Variants in AFF3 observed in about 807,000 individuals in gnomAD.
AFF3 encodes the protein AF4/FMR2 family member 3.
AFF3 carries 32 observed loss-of-function variants against 129.7 expected under a neutral mutation model. That is an observed-to-expected ratio of 0.25 (90% CI 0.19 to 0.33). The LOEUF (loss-of-function observed/expected upper bound fraction) is 0.33. Ranked by LOEUF, AFF3 falls within the 10% of genes least tolerant of loss-of-function variation. The probability of loss-of-function intolerance (pLI) is 1.00; values close to 1 mark genes in which losing one functional copy is unlikely to be tolerated. For synonymous variants in AFF3, 644 were observed against 635.4 expected (o/e 1.01, Z -0.20); for missense variants, 1,373 against 1,592.0 (o/e 0.86, Z 2.34).
intron 2 of AFF3, among the ~76,000 whole-genome samples, chr2:100,113,294 C>T (rs1447930465): frequency 1.3e-5 from 2 of 152,224 alleles, no homozygotes; most frequent in Non-Finnish European, 2.9e-5. Context: ...AAAAAGCCCA[C>T]TGTCTAGAAG....
At chr2:99,905,627 G>T (rs1694662304) in intron 7 of AFF3, among the ~76,000 whole-genome samples, 1 of 152,076 alleles carries the variant, frequency 6.6e-6, no homozygotes, top group Non-Finnish European at 1.5e-5. Context: ...TAAGGCTTTT[G>T]TTTGAATTTT....
At chr2:99,746,123 A>C (rs1681134885) in intron 9 of AFF3, among the ~76,000 whole-genome samples, 1 of 152,142 alleles carries the variant, frequency 6.6e-6, no homozygotes, top group Non-Finnish European at 1.5e-5. Context: ...AAGCTATTAA[A>C]ATAAAAAAAA....
intron 21 of AFF3, among the ~76,000 whole-genome samples, chr2:99,560,020 G>A (rs1413694303): frequency 6.6e-6 from 1 of 152,256 alleles, no homozygotes; most frequent in Non-Finnish European, 1.5e-5. Context: ...CAGCACTCTG[G>A]GAGGCTGAGG....
chr2:100,043,421 A>T (rs772734707), intron 4 of AFF3, among the ~76,000 whole-genome samples: 18 of 152,232 alleles, frequency 1.2e-4, no homozygotes, highest in Non-Finnish European at 2.1e-4. Context: ...TGAGCAAAAT[A>T]CATGGCTTTG....
In AFF3 at chr2:99,582,105, G is replaced by A. The variant is rs189758874; in HGVS notation, c.2793+693C>T. Among the ~76,000 whole-genome samples the A allele has an allele frequency of 9.2e-3, 1,392 of 151,888 alleles. 18 individuals carry two copies. The highest frequency in any genetic ancestry group is 0.032 in the African/African-American group (1,341 of 41,460). The stretch of plus-strand genomic sequence containing the variant: ...CCTGACCTCAGGCGATCCGCCCGCC[G>A]CAGCCTCCCAAAGTGCTGGGATTAC... On this transcript the variant is annotated intron_variant, in intron 17 of 24. Transcript: ENST00000672756.
At chr2:99,705,544 C>CA (rs1397887838) in intron 11 of AFF3, among the ~76,000 whole-genome samples, 1 of 151,956 alleles carries the variant, frequency 6.6e-6, no homozygotes, top group East Asian at 1.9e-4. Context: ...AAATGAACTA[C>CA]ACAGCTGACT....
At chr2:100,126,191 A>G (rs972537857) in intron 2 of AFF3, among the ~76,000 whole-genome samples, 6 of 152,190 alleles carry the variant, frequency 3.9e-5, no homozygotes, top group African/African-American at 1.4e-4. Context: ...CTCCTCACCA[A>G]GGTGTTGCTA....
chr2:99,582,817 G>C lies in AFF3; in HGVS notation c.2774C>G (p.Pro925Arg), dbSNP rs78210910. 8.1e-6 allele frequency: 13 copies of C among 1,614,072 alleles called. No homozygotes were observed. The East Asian group carries it at 2.7e-4, about 33-fold the overall frequency. The part of the protein sequence containing the change: ...KKPKADSQLQ[P>R]HGGDLTKAAH... Reference sequence around the variant, plus strand: ...ACAAACCGTGAGGTCTCCGCCGTGAGGCTGCAGCTGGCTGTCGGCCTTAGG... The same window carrying C: ...ACAAACCGTGAGGTCTCCGCCGTGACGCTGCAGCTGGCTGTCGGCCTTAGG... Residue 925 changes from proline (P) to arginine (R), a missense_variant, in exon 17 of 25, where the codon CCT becomes CGT. Physicochemically the swap from Pro to Arg is moderately radical, Grantham distance 103. Around this residue, in one of 9 missense-constraint regions of AFF3, gnomAD observed 466 missense variants for 505.0 expected, o/e 0.92. Coordinates refer to ENST00000672756, the MANE Select transcript of AFF3 (RefSeq NM_001386135.1).
At chr2:99,951,970 T>C (rs1676208958) in intron 7 of AFF3, among the ~76,000 whole-genome samples, 1 of 152,212 alleles carries the variant, frequency 6.6e-6, no homozygotes, top group Admixed American at 6.5e-5. Context: ...GAATAACAGC[T>C]TGGAGGACAT....
intron 8 of AFF3, among the ~76,000 whole-genome samples, chr2:99,830,396 C>A (rs925618775): frequency 1.2e-4 from 18 of 152,274 alleles, no homozygotes; most frequent in African/African-American, 4.3e-4. Context: ...TGGTTTCCAT[C>A]AAAGAATAAA....
intron 18 of AFF3, chr2:99,572,640 C>G (rs1292896067): frequency 4.4e-6 from 2 of 455,812 alleles, no homozygotes; most frequent in Non-Finnish European, 8.8e-6. Flanking sequence ...CAACTGCATA[C>G]CAAATGAATT....
intron 11 of AFF3, among the ~76,000 whole-genome samples, chr2:99,695,909 T>A (rs1251354933): frequency 1.0e-4 from 9 of 89,814 alleles, no homozygotes; most frequent in African/African-American, 3.8e-4. Flanking sequence ...CTCTCTAGAA[T>A]CTATGAAAAG....
intron 8 of AFF3, among the ~76,000 whole-genome samples, chr2:99,788,539 G>A (rs1684969395): frequency 1.3e-5 from 2 of 152,218 alleles, no homozygotes; most frequent in Non-Finnish European, 2.9e-5. Flanking sequence ...GTCGTACAGT[G>A]TTGTTTGTGC....
intron 10 of AFF3, among the ~76,000 whole-genome samples, chr2:99,735,111 G>A (rs1455445637): frequency 6.6e-6 from 1 of 152,102 alleles, no homozygotes; most frequent in Non-Finnish European, 1.5e-5. Flanking sequence ...ATATATACAT[G>A]TAATACCTGA....
At chr2:99,662,581 C>T (rs747957297) in intron 12 of AFF3, among the ~76,000 whole-genome samples, 3 of 152,160 alleles carry the variant, frequency 2.0e-5, no homozygotes, top group Non-Finnish European at 4.4e-5. Flanking sequence ...TTAAGACCAA[C>T]AAGCCAGCAT....
chr2:100,105,524 C>A lies in AFF3; in HGVS notation c.-85G>T, dbSNP rs1401578405. Reference sequence around the variant, plus strand: ...CTCACCGGGAAGGGGGACAAACTGGCCTCTGGGTGTCGACTTCAAACTTGC... The same window carrying A: ...CTCACCGGGAAGGGGGACAAACTGGACTCTGGGTGTCGACTTCAAACTTGC... On this transcript the variant is annotated 5_prime_UTR_variant, in exon 3 of 25. Transcript: ENST00000672756. 1 of 1,331,584 alleles carries A rather than the reference C, an allele frequency of 7.5e-7. No individual in the cohort carries two copies. The allele number at this position is 1,331,584 out of a possible 1,614,324, so 82.5% of individuals were successfully genotyped here.
rs141695864 is a variant in AFF3, at chr2:100,007,311, G to T, written c.324C>A (p.Ile108=). The T allele has an allele frequency of 6.2e-7, 1 of 1,614,072 alleles. No homozygotes were observed. ...TTGAATCTGCAACAAAATGTTCATC[G>T]ATCTTGTTCACAGGAGTCTGAGGAA... ...PGVPQTPVNK[I]DEHFVADSRA... The change falls in exon 6 of 25, where the codon ATC becomes ATA. Residue 108 remains isoleucine, a synonymous_variant. Transcript: ENST00000672756.
chr2:99,558,908 T>C lies in AFF3; in HGVS notation c.3252A>G (p.Val1084=). The change falls in exon 22 of 25, where the codon GTA becomes GTG. Residue 1084 remains valine, a synonymous_variant. Transcript: ENST00000672756. The part of the protein sequence containing the change: ...RMFRLKRDHA[V]KYSKALIDYF... The stretch of plus-strand genomic sequence containing the variant: ...AGTCGATTAGTGCTTTTGAATACTT[T>C]ACAGCGTGGTCCCTTTTGAGTCGAA... 1 of 1,614,170 alleles carries C rather than the reference T, an allele frequency of 6.2e-7. No individual in the cohort carries two copies.
At position 100,000,874 on chromosome 2, in the gene AFF3, T is replaced by A. The variant is rs572625600; in HGVS notation, c.873+5758A>T. On this transcript the variant is annotated intron_variant, in intron 7 of 24. Transcript: ENST00000672756. ...TCCACAGCATTCTACCTCTTCCCTGTATATCTGAAAGACTGCACAAGATTT... is the reference window on the plus strand; with the variant it reads ...TCCACAGCATTCTACCTCTTCCCTGAATATCTGAAAGACTGCACAAGATTT... 5.3e-5 allele frequency among the ~76,000 whole-genome samples: 8 copies of A among 152,312 alleles called. 1 individual carries two copies. The South Asian group carries it at 1.7e-3, about 32-fold the overall frequency.
Sources: allele counts gnomAD v4.1 joint callset (sites outside exome capture counted in the v4.1 genomes callset), GRCh38; gene constraint gnomAD v4.1.1; regional missense constraint gnomAD v4.1.1; transcripts MANE v1.5; gene names NCBI Gene and HGNC (gene_info 2026-07-23, HGNC 2026-07-21).